Variants in NUP98 observed in about 807,000 individuals in gnomAD.
The protein encoded by NUP98 is nuclear pore complex protein Nup98-Nup96.
NUP98 carries 26 observed loss-of-function variants against 191.9 expected under a neutral mutation model. The observed-to-expected ratio is 0.14, with a 90% CI of 0.10 to 0.19. The LOEUF is 0.19. NUP98 is among the 10% of genes least tolerant of loss of function. The pLI is 1.00. For synonymous variants in NUP98, 808 were observed against 778.4 expected (o/e 1.04, Z -0.63); for missense variants, 1,941 against 2,178.8 (o/e 0.89, Z 2.17).
chr11:3,719,773 C>CA (rs1554891251), intron 17 of NUP98, among the ~76,000 whole-genome samples: 22 of 143,520 alleles, frequency 1.5e-4, no homozygotes, highest in Non-Finnish European at 2.3e-4. Context: ...CTTTTCTTTT[C>CA]TTTTTTTTTT....
At chr11:3,733,447 G>A (rs199590888) in intron 13 of NUP98, among the ~76,000 whole-genome samples, 1 of 152,140 alleles carries the variant, frequency 6.6e-6, no homozygotes, top group East Asian at 1.9e-4. Context: ...GAATAGCTGG[G>A]ATTATGGGCA....
At chr11:3,724,805 TC>T (rs979750631) in intron 15 of NUP98, among the ~76,000 whole-genome samples, 3 of 98,300 alleles carry the variant, frequency 3.1e-5, no homozygotes, top group Non-Finnish European at 6.6e-5. Flanking sequence ...AAGAAAATCA[TC>T]ACAGACAAAA....
At chr11:3,728,875 T>G (rs933059797) in intron 14 of NUP98, among the ~76,000 whole-genome samples, 1 of 152,178 alleles carries the variant, frequency 6.6e-6, no homozygotes, top group African/African-American at 2.4e-5. Flanking sequence ...TCTAAGTAAT[T>G]TACAGGGTAG....
At chr11:3,791,298 C>T (rs1435058114) in intron 1 of NUP98, among the ~76,000 whole-genome samples, 2 of 151,370 alleles carry the variant, frequency 1.3e-5, no homozygotes, top group South Asian at 4.2e-4. Context: ...TTTGGGAGGC[C>T]GAGGCAGGTG....
Position 3,676,124 on chromosome 11 carries a change from A to G in NUP98, c.*35T>C. On this transcript the variant is annotated 3_prime_UTR_variant, in exon 33 of 33. Transcript: ENST00000324932. The stretch of plus-strand genomic sequence containing the variant: ...GGCAGGGAACCTCTGTGTGGTGTGA[A>G]TGGGCATGTGACTGTGATGCAAAGT... 6.3e-7 allele frequency: 1 copy of G among 1,593,150 alleles called. No homozygotes were observed. The highest frequency in any genetic ancestry group is 8.6e-7 in the Non-Finnish European group (1 of 1,164,628).
chr11:3,699,739 T>C (rs2078618636), intron 24 of NUP98, among the ~76,000 whole-genome samples: 2 of 152,178 alleles, frequency 1.3e-5, no homozygotes, highest in African/African-American at 4.8e-5. Flanking sequence ...TAAAATAACT[T>C]ACACATTTGA....
chr11:3,757,681 C>T (rs1003929093), intron 10 of NUP98, among the ~76,000 whole-genome samples: 2 of 151,968 alleles, frequency 1.3e-5, no homozygotes, highest in African/African-American at 4.8e-5. Context: ...TGCCTGTAAT[C>T]CCAGCTACTT....
chr11:3,771,923 A>G lies in NUP98; in HGVS notation c.609T>C (p.Leu203=). ...KEYESKSLEE[L]RLEDYQANRK... ...TGTTAGCCTGATAATCCTCTAAACG[A>G]AGTTCCTGAAGGGAGGGAAAACATA... The change falls in exon 7 of 33, where the codon CTT becomes CTC. Residue 203 remains leucine (L), a synonymous_variant. Coordinates refer to ENST00000324932, the MANE Select transcript of NUP98 (RefSeq NM_016320.5). 1 of 1,612,258 alleles carries G rather than the reference A, an allele frequency of 6.2e-7. No homozygotes were observed. The highest frequency in any genetic ancestry group is 1.1e-5 in the South Asian group (1 of 90,930).
chr11:3,694,764 G>A (rs1247834892), intron 26 of NUP98, among the ~76,000 whole-genome samples: 5 of 151,466 alleles, frequency 3.3e-5, no homozygotes, highest in Admixed American at 2.0e-4. Flanking sequence ...AAAAAATGCT[G>A]CAGGGCTGAT....
intron 9 of NUP98, among the ~76,000 whole-genome samples, chr11:3,761,099 A>T (rs1589903596): frequency 1.3e-5 from 2 of 152,324 alleles, no homozygotes; most frequent in African/African-American, 4.8e-5. Flanking sequence ...CATTTACATG[A>T]AGTGTTCAAA....
chr11:3,693,149 A>T, intron 27 of NUP98, 83 bp downstream of exon 27: 1 of 1,400,564 alleles, frequency 7.1e-7, no homozygotes, highest in Non-Finnish European at 1.0e-6. Flanking sequence ...ATAGTTTCCC[A>T]TCAGATTTCC....
Position 3,676,129 on chromosome 11 carries a change from C to T in NUP98, c.*30G>A. 2 of 1,598,564 alleles carry T rather than the reference C, an allele frequency of 1.3e-6. No homozygotes were observed. Among genetic ancestry groups the T allele is most frequent in the Non-Finnish European group, 1.7e-6 (2 of 1,168,762 alleles). ...GGAACCTCTGTGTGGTGTGAATGGG[C>T]ATGTGACTGTGATGCAAAGTGCCTG... On this transcript the variant is annotated 3_prime_UTR_variant, in exon 33 of 33. Transcript: ENST00000324932.
At chr11:3,771,619 C>T (rs757918623) in intron 7 of NUP98, 129 bp downstream of exon 7, 5 of 741,758 alleles carry the variant, frequency 6.7e-6, no homozygotes, top group Non-Finnish European at 1.1e-5. Flanking sequence ...CCAGGCATTC[C>T]TCCCTATTCC....
At chr11:3,692,300 AGACT>A in intron 27 of NUP98, among the ~76,000 whole-genome samples, 1 of 151,042 alleles carries the variant, frequency 6.6e-6, no homozygotes, top group Non-Finnish European at 1.5e-5. Context: ...TTTGGGTGAC[AGACT>A]GAGACCTGAT....
At chr11:3,683,692 C>T (rs1460683310) in intron 29 of NUP98, among the ~76,000 whole-genome samples, 1 of 125,548 alleles carries the variant, frequency 8.0e-6, no homozygotes, top group East Asian at 2.3e-4. Flanking sequence ...GCATGTGCCA[C>T]CACACCCCGC....
intron 14 of NUP98, 45 bp from the exon 15 acceptor site, chr11:3,725,264 A>G: frequency 2.3e-6 from 2 of 867,520 alleles, no homozygotes; most frequent in Non-Finnish European, 3.8e-6. Context: ...TTACTCAGGC[A>G]TACAGATATG....
intron 26 of NUP98, 41 bp downstream of exon 26, chr11:3,695,408 A>G (rs754734702): frequency 3.4e-6 from 5 of 1,472,534 alleles, no homozygotes; most frequent in Non-Finnish European, 3.6e-6. Context: ...TCAATTTATG[A>G]AAAAACCAAT....
rs1589953270 is a variant in NUP98 at position 3,684,316 on chromosome 11, A to C, written c.4677-875T>G. Among the ~76,000 whole-genome samples, 3 of 152,334 alleles carry C rather than the reference A, an allele frequency of 2.0e-5. No individual in the cohort carries two copies. The East Asian group carries it at 5.8e-4, about 29-fold the overall frequency. ...GGGGCTTGGCTCGGCGCAGTGGCTCACGCCTGTAATCCCAGCACTTTGGCA... is the reference window on the plus strand; with the variant it reads ...GGGGCTTGGCTCGGCGCAGTGGCTCCCGCCTGTAATCCCAGCACTTTGGCA... On this transcript the variant is annotated intron_variant, in intron 29 of 32. Coordinates refer to ENST00000324932, the MANE Select transcript of NUP98 (RefSeq NM_016320.5).
At chr11:3,751,950 G>A (rs574446100) in intron 11 of NUP98, among the ~76,000 whole-genome samples, 2 of 151,620 alleles carry the variant, frequency 1.3e-5, no homozygotes, top group African/African-American at 2.4e-5. Context: ...GGTTGAGGTG[G>A]GAGGATCACG....
Sources: gnomAD v4.1 joint callset for allele counts (sites outside exome capture counted in the v4.1 genomes callset) on GRCh38, gnomAD v4.1.1 for gene constraint, MANE v1.5 for transcripts, NCBI Gene and HGNC (gene_info 2026-07-23, HGNC 2026-07-21) for gene names.